The following OVCH1 variants were observed in gnomAD, a reference collection of about 807,000 sequenced individuals.
OVCH1 encodes ovochymase 1.
OVCH1 carries 139 observed loss-of-function variants against 138.4 expected under a neutral mutation model. The ratio of observed to expected loss-of-function variants is 1.00; its 90% CI spans 0.87 to 1.16. The LOEUF is 1.16. Ranked by LOEUF, OVCH1 falls within the 50% of genes most tolerant of loss-of-function variation. OVCH1 has a pLI of 0.00. For synonymous variants in OVCH1, 453 were observed against 467.8 expected (o/e 0.97, Z 0.41); for missense variants, 1,367 against 1,357.9 (o/e 1.01, Z -0.11).
intron 6 of OVCH1, 115 bp downstream of exon 6, chr12:29,489,505 G>A: frequency 2.5e-6 from 3 of 1,220,010 alleles, no homozygotes; most frequent in Non-Finnish European, 3.3e-6. Flanking sequence ...AAAAGATGAA[G>A]GGAAAAAGAA....
At chr12:29,479,376 A>G (rs569679144) in intron 8 of OVCH1, among the ~76,000 whole-genome samples, 1 of 152,164 alleles carries the variant, frequency 6.6e-6, no homozygotes, top group Non-Finnish European at 1.5e-5. Flanking sequence ...ACATATTCCA[A>G]GGTCATCCTA....
chr12:29,457,732 T>C (rs1009471580), intron 19 of OVCH1, among the ~76,000 whole-genome samples: 3 of 152,120 alleles, frequency 2.0e-5, no homozygotes, highest in Admixed American at 6.6e-5. Context: ...TAAAAAATTA[T>C]TCAATGCCTA....
chr12:29,455,262 T>C (rs774446674), exon 20 of OVCH1: 1 of 1,611,278 alleles, frequency 6.2e-7, no homozygotes, highest in East Asian at 2.2e-5. Flanking sequence ...TGATTTTTGA[T>C]TGGATCCAGT....
chr12:29,441,357 C>A (rs1032339036), intron 25 of OVCH1, among the ~76,000 whole-genome samples: 1 of 152,130 alleles, frequency 6.6e-6, no homozygotes, highest in Non-Finnish European at 1.5e-5. Flanking sequence ...CTGACAAAAA[C>A]AAGCAATGGG....
At chr12:29,493,723 G>A (rs1174145840) in intron 4 of OVCH1, among the ~76,000 whole-genome samples, 1 of 151,834 alleles carries the variant, frequency 6.6e-6, no homozygotes, top group African/African-American at 2.4e-5. Flanking sequence ...GTTTCTTGTG[G>A]TTCAATCATT....
At chr12:29,416,538 G>C (rs1250452696) in intron 3 of OVCH1, among the ~76,000 whole-genome samples, 1 of 152,104 alleles carries the variant, frequency 6.6e-6, no homozygotes, top group Non-Finnish European at 1.5e-5. Context: ...AAAATATTAA[G>C]TAAGTAAATG....
rs16934310 is a variant in OVCH1 at position 29,478,794 on chromosome 12, T to A, written c.1069+41A>T. 8,130 of 1,390,232 alleles carry A rather than the reference T, an allele frequency of 5.8e-3. 426 individuals are homozygous for A. In the African/African-American group the frequency reaches 0.11, roughly 18 times the overall value. The allele number at this position is 1,390,232 out of a possible 1,614,324, so 86.1% of individuals were successfully genotyped here. ...TTTAGCATCTCTTTGGTCTTTCAGA[T>A]ACTCTAAAATGACAAATAAAAACAA... On this transcript the variant is annotated intron_variant, in intron 9 of 27. Coordinates refer to ENST00000318184, the Ensembl canonical transcript of OVCH1.
intron 14 of OVCH1, among the ~76,000 whole-genome samples, chr12:29,473,566 A>G (rs59273552): frequency 0.16 from 24,249 of 152,028 alleles, 2,063 homozygotes; most frequent in African/African-American, 0.22. Flanking sequence ...TAATATCTAC[A>G]TGTCTTAAAT....
intron 15 of OVCH1, among the ~76,000 whole-genome samples, chr12:29,472,642 T>A (rs1942552982): frequency 6.6e-6 from 1 of 152,180 alleles, no homozygotes; most frequent in Admixed American, 6.5e-5. Flanking sequence ...CAATGAGGGA[T>A]CATAGTATTT....
chr12:29,477,469 C>T lies in OVCH1; in HGVS notation c.1118G>A (p.Cys373Tyr), dbSNP rs1942780638. The change falls in exon 11 of 28, where the codon TGT becomes TAT. Residue 373 changes from cysteine to tyrosine, a missense_variant. Cys to Tyr is a radical substitution (Grantham distance 194). Transcript: ENST00000318184. The stretch of plus-strand genomic sequence containing the variant: ...CAATGGTGAAGGCAATATTTTTCCA[C>T]AGACCTTACCTTAAAAGAAGAGAAG... 5 of 1,613,808 alleles carry T rather than the reference C, an allele frequency of 3.1e-6. No individual in the cohort carries two copies. The highest frequency in any genetic ancestry group is 1.3e-5 in the African/African-American group (1 of 74,934).
intron 27 of OVCH1, among the ~76,000 whole-genome samples, chr12:29,430,033 T>C (rs1429460207): frequency 6.6e-6 from 1 of 152,190 alleles, no homozygotes; most frequent in Admixed American, 6.5e-5. Context: ...CACGTCTACA[T>C]TTCAATTTAT....
At position 29,454,935 on chromosome 12, in the gene OVCH1, T is replaced by C; in HGVS notation, c.2438-2A>G. On this transcript the variant is annotated splice_acceptor_variant, in intron 20 of 27. Coordinates refer to ENST00000318184, the Ensembl canonical transcript of OVCH1. LOFTEE classifies it high-confidence loss of function. ...TATTTGTCTGAAGTGAAGCAGGACC[T>C]GTATTTGGGGAGAACATGTTAAAAA... The C allele has an allele frequency of 6.2e-7, 1 of 1,603,104 alleles. No individual in the cohort carries two copies. The highest frequency in any genetic ancestry group is 8.5e-7 in the Non-Finnish European group (1 of 1,171,522).
intron 20 of OVCH1, 85 bp downstream of exon 20, chr12:29,455,164 A>G: frequency 6.9e-7 from 1 of 1,441,130 alleles, no homozygotes. Flanking sequence ...TTTCTCTTTC[A>G]TGCTAATTTA....
At position 29,465,107 on chromosome 12, in the gene OVCH1, T is replaced by C. The variant is rs755052143; in HGVS notation, c.1929+40A>G. 5 of 1,518,832 alleles carry C rather than the reference T, an allele frequency of 3.3e-6. No individual in the cohort carries two copies. The African/African-American group carries it at 6.9e-5, about 21-fold the overall frequency. 94.1% of individuals were successfully genotyped at this position (1,518,832 alleles called of 1,614,324 possible). On this transcript the variant is annotated intron_variant, in intron 17 of 27. Coordinates refer to ENST00000318184, the Ensembl canonical transcript of OVCH1. ...GTATTCCTTGGCATGTGACAACATT[T>C]AGATTACAGGCAGAATGACCTGTAA...
intron 3 of OVCH1, among the ~76,000 whole-genome samples, chr12:29,421,483 A>G (rs1343878136): frequency 1.3e-5 from 2 of 152,194 alleles, no homozygotes; most frequent in East Asian, 3.8e-4. Flanking sequence ...AAATATTAAT[A>G]TATGCATCTT....
chr12:29,433,741 A>C, intron 27 of OVCH1: 1 of 1,424,294 alleles, frequency 7.0e-7, no homozygotes, highest in Non-Finnish European at 9.4e-7. Flanking sequence ...GTCCCTTATG[A>C]TATACTTACA....
chr12:29,412,975 A>G (rs1940979751), intron 3 of OVCH1, among the ~76,000 whole-genome samples: 1 of 151,598 alleles, frequency 6.6e-6, no homozygotes, highest in Non-Finnish European at 1.5e-5. Context: ...TAAGCCTACT[A>G]ACTAACTAGT....
chr12:29,432,962 A>G (rs143654151), intron 27 of OVCH1, among the ~76,000 whole-genome samples: 5 of 152,272 alleles, frequency 3.3e-5, no homozygotes, highest in African/African-American at 1.2e-4. Context: ...AATGGTAGGA[A>G]AAAAATAAAG....
At chr12:29,431,264 G>A (rs1010081141) in intron 27 of OVCH1, among the ~76,000 whole-genome samples, 4 of 151,766 alleles carry the variant, frequency 2.6e-5, no homozygotes, top group East Asian at 1.9e-4. Flanking sequence ...GCAAGACCTC[G>A]TCTCTACCAA....
Sources: allele counts gnomAD v4.1 joint callset (sites outside exome capture counted in the v4.1 genomes callset), GRCh38; gene constraint gnomAD v4.1.1; transcripts MANE v1.5; gene names NCBI Gene and HGNC (gene_info 2026-07-23, HGNC 2026-07-21).